Variants in LPAR4 observed in about 807,000 individuals in gnomAD.
LPAR4 encodes the protein G-protein coupled receptor 23.
A neutral mutation model predicts 9.2 loss-of-function variants in LPAR4; 14 were observed. That is an observed-to-expected ratio of 1.51 (90% CI 1.00 to 2.37). LPAR4 has a LOEUF of 2.37. LPAR4 is among the 30% of genes most tolerant of loss of function. LPAR4 has a pLI of 0.00. For synonymous variants in LPAR4, 131 were observed against 97.9 expected, an observed-to-expected ratio of 1.34 and a Z score of -1.99; for missense variants, 251 against 272.1, an observed-to-expected ratio of 0.92 and a Z score of 0.55.
intron 2 of LPAR4, 149 bp from the exon 3 acceptor site, chrX:78,750,581 T>C (rs960946052): frequency 1.8e-5 from 2 of 111,004 alleles, no homozygotes; most frequent in African/African-American, 3.3e-5. Context: ...GGTGCAGTGA[T>C]TGTCAGTCAG....
chrX:78,752,245 A>G (rs760983227), intron 4 of LPAR4, among the ~76,000 whole-genome samples: 6 of 111,865 alleles, frequency 5.4e-5, no homozygotes, highest in African/African-American at 1.9e-4. Context: ...ACATTTATCT[A>G]TGGTTCCCTC....
At chrX:78,748,315 A>G (rs147275277) in intron 1 of LPAR4, among the ~76,000 whole-genome samples, 1,763 of 112,405 alleles carry the variant, frequency 0.016, 38 homozygotes, top group African/African-American at 0.054. Flanking sequence ...ACAGTGTAGA[A>G]CAATTTAGAA....
Position 78,756,034 on chromosome X carries a change from A to T in LPAR4, c.*52A>T, listed in dbSNP as rs1424125621. The T allele has an allele frequency of 9.9e-7, 1 of 1,006,714 alleles. No homozygotes were observed. The highest frequency in any genetic ancestry group is 1.9e-5 in the African/African-American group (1 of 52,326). 83.0% of individuals were successfully genotyped at this position (1,006,714 alleles called of 1,213,427 possible). ...TATGGTTTCTCCTATAATTTTTCCT[A>T]TGCTATAAACTAAAGATTTGAAGCT... On this transcript the variant is annotated 3_prime_UTR_variant, in exon 5 of 5. Transcript: ENST00000614823.
chrX:78,754,706 A>G, intron 4 of LPAR4, 85 bp from the exon 5 acceptor site: 1 of 424,208 alleles, frequency 2.4e-6, no homozygotes, highest in Non-Finnish European at 4.0e-6. Context: ...GTTTTCTTCC[A>G]ATCTGGGTGG....
Position 78,755,517 on chromosome X carries a change from T to G in LPAR4, c.648T>G (p.Pro216=). The G allele has an allele frequency of 8.3e-7, 1 of 1,207,899 alleles. No individual in the cohort carries two copies. The highest frequency in any genetic ancestry group is 1.7e-5 in the African/African-American group (1 of 57,711). Residue 216 remains proline (P), a synonymous_variant, in exon 5 of 5, where the codon CCT becomes CCG. Coordinates refer to ENST00000614823, the MANE Select transcript of LPAR4 (RefSeq NM_001278000.3). ...TTGAAGTTGTTGGGTTTATCATTCC[T>G]CTAATATTGAATGTCTCTTGCTCTT... The part of the protein sequence containing the change: ...IFIEVVGFII[P]LILNVSCSSV...
rs942439596 is a variant in LPAR4 at position 78,758,131 on chromosome X, C to A, written c.*2149C>A. 9.0e-6 allele frequency among the ~76,000 whole-genome samples: 1 copy of A among 111,526 alleles called. No homozygotes were observed. The highest frequency in any genetic ancestry group is 3.2e-5 in the African/African-American group (1 of 30,797). On this transcript the variant is annotated 3_prime_UTR_variant, in exon 5 of 5. Transcript: ENST00000614823. The stretch of plus-strand genomic sequence containing the variant: ...AAACAAATTCTTAAAACTGGCATTA[C>A]TTTTTCCCAATGAAAGTCCTAAAAG...
At chrX:78,753,839 C>G (rs1925175314) in intron 4 of LPAR4, among the ~76,000 whole-genome samples, 1 of 111,809 alleles carries the variant, frequency 8.9e-6, no homozygotes, top group Non-Finnish European at 1.9e-5. Flanking sequence ...CAGCGCCACA[C>G]CCTCACTTCT....
At chrX:78,751,424 C>T (rs1279690371) in intron 4 of LPAR4, 113 bp downstream of exon 4, 3 of 111,284 alleles carry the variant, frequency 2.7e-5, no homozygotes, top group African/African-American at 9.8e-5. Flanking sequence ...CAAATAGTTC[C>T]AACTTTTTAA....
At chrX:78,752,027 A>C (rs1323964746) in intron 4 of LPAR4, among the ~76,000 whole-genome samples, 1 of 110,949 alleles carries the variant, frequency 9.0e-6, no homozygotes, top group African/African-American at 3.3e-5. Flanking sequence ...AAAAATATCA[A>C]GTTAATCACT....
Position 78,755,551 on chromosome X carries a change from C to T in LPAR4, c.682C>T (p.Leu228=), listed in dbSNP as rs769576339. Reference sequence around the variant, plus strand: ...GAATGTCTCTTGCTCTTCTGTGGTGCTGAGAACTCTTCGCAAGCCTGCTAC... The same window carrying T: ...GAATGTCTCTTGCTCTTCTGTGGTGTTGAGAACTCTTCGCAAGCCTGCTAC... The part of the protein sequence containing the change: ...ILNVSCSSVV[L]RTLRKPATLS... The change falls in exon 5 of 5, where the codon CTG becomes TTG. Residue 228 remains leucine, a synonymous_variant. Transcript: ENST00000614823. The T allele has an allele frequency of 3.3e-6, 4 of 1,206,202 alleles. No homozygotes were observed. In the East Asian group the frequency reaches 1.2e-4, roughly 36 times the overall value.
In LPAR4 at chrX:78,755,236, T is replaced by C; in HGVS notation, c.367T>C (p.Tyr123His). ...TGGAACTGCATTCCTTACCAACATCTATGGGAGCATGCTCTTTCTCACCTG... is the reference window on the plus strand; with the variant it reads ...TGGAACTGCATTCCTTACCAACATCCATGGGAGCATGCTCTTTCTCACCTG... ...ISGTAFLTNIYGSMLFLTCIS... is the reference protein window; with the variant it reads ...ISGTAFLTNIHGSMLFLTCIS... Residue 123 changes from tyrosine to histidine, a missense_variant, in exon 5 of 5, where the codon TAT (tyrosine) becomes CAT (histidine). Physicochemically the swap from Tyr to His is moderately conservative, Grantham distance 83 (BLOSUM62 2). Coordinates refer to ENST00000614823, the MANE Select transcript of LPAR4 (RefSeq NM_001278000.3). The C allele has an allele frequency of 8.3e-7, 1 of 1,211,192 alleles. No homozygotes were observed. The highest frequency in any genetic ancestry group is 1.1e-6 in the Non-Finnish European group (1 of 895,117).
intron 1 of LPAR4, among the ~76,000 whole-genome samples, chrX:78,748,529 C>T (rs1283744215): frequency 8.9e-6 from 1 of 111,962 alleles, no homozygotes; most frequent in Non-Finnish European, 1.9e-5. Flanking sequence ...ATGAAAAACT[C>T]TGTCATAAAC....
chrX:78,748,136 G>T (rs1451524994), intron 1 of LPAR4, 102 bp downstream of exon 1: 1 of 111,018 alleles, frequency 9.0e-6, no homozygotes, highest in African/African-American at 3.3e-5. Flanking sequence ...TGTAAGGAAA[G>T]AAGTTAGACT....
At position 78,747,733 on chromosome X, in the gene LPAR4, G is replaced by T. The variant is rs1429554586; in HGVS notation, c.-596G>T. 2.8e-5 allele frequency: 3 copies of T among 108,247 alleles called. No individual in the cohort carries two copies. The highest frequency in any genetic ancestry group is 5.7e-5 in the Non-Finnish European group (3 of 52,326). 8.9% of individuals were successfully genotyped at this position (108,247 alleles called of 1,213,427 possible). ...CGGACTTCAGGCCTTTTTGTGTCCTGTTTGCTAAAGGCATGCGGGCTACAG... is the reference window on the plus strand; with the variant it reads ...CGGACTTCAGGCCTTTTTGTGTCCTTTTTGCTAAAGGCATGCGGGCTACAG... On this transcript the variant is annotated 5_prime_UTR_variant, in exon 1 of 5. Transcript: ENST00000614823.
At chrX:78,752,354 C>G (rs1925101112) in intron 4 of LPAR4, among the ~76,000 whole-genome samples, 1 of 111,733 alleles carries the variant, frequency 8.9e-6, no homozygotes, top group African/African-American at 3.3e-5. Flanking sequence ...TGAGTGTGAC[C>G]TATGCCTGTG....
intron 4 of LPAR4, among the ~76,000 whole-genome samples, chrX:78,752,739 C>T (rs969433111): frequency 1.8e-5 from 2 of 111,387 alleles, no homozygotes; most frequent in Non-Finnish European, 3.8e-5. Flanking sequence ...AAAAGCAAGT[C>T]AGCTTTTCTA....
intron 1 of LPAR4, among the ~76,000 whole-genome samples, chrX:78,749,768 G>A (rs1924976123): frequency 9.0e-6 from 1 of 111,577 alleles, no homozygotes; most frequent in Non-Finnish European, 1.9e-5. Context: ...GACCCTCCTT[G>A]CTTGCAGACT....
rs1050778939 is a variant in LPAR4 at position 78,758,060 on chromosome X, G to GT, written c.*2079dup. ...TGTAACTTTAAAAACTGTAAAATCT[G>GT]TGTCTGGGTTAGGAACAAAGTGAAA... is the stretch of plus-strand genomic sequence containing the variant. On this transcript the variant is annotated 3_prime_UTR_variant, in exon 5 of 5. Transcript: ENST00000614823. 8.9e-5 allele frequency among the ~76,000 whole-genome samples: 10 copies of GT among 111,750 alleles called. No individual in the cohort carries two copies. The East Asian group carries it at 2.2e-3, about 25-fold the overall frequency.
chrX:78,750,471 C>T (rs1005062972), intron 2 of LPAR4, among the ~76,000 whole-genome samples: 1 of 111,379 alleles, frequency 9.0e-6, no homozygotes, highest in African/African-American at 3.3e-5. Context: ...AGAATTCCAT[C>T]GCAGAGTATT....
Sources: gnomAD v4.1 joint callset for allele counts (sites outside exome capture counted in the v4.1 genomes callset) on GRCh38, gnomAD v4.1.1 for gene constraint, MANE v1.5 for transcripts, NCBI Gene and HGNC (gene_info 2026-07-23, HGNC 2026-07-21) for gene names.